Variants in CLSTN2 observed in about 807,000 individuals in gnomAD.
CLSTN2 encodes the protein calsyntenin 2, also known as calsyntenin-2.
CLSTN2 carries 48 observed loss-of-function variants against 101.2 expected under a neutral mutation model. The observed-to-expected ratio is 0.47, with a 90% CI of 0.38 to 0.60. The LOEUF (loss-of-function observed/expected upper bound fraction) is 0.60. Among genes scored for constraint, CLSTN2 ranks in the 20% least tolerant of loss-of-function variants. CLSTN2 has a pLI of 0.00. For synonymous variants in CLSTN2, 481 were observed against 463.6 expected (o/e 1.04, Z -0.48); for missense variants, 1,160 against 1,238.2 (o/e 0.94, Z 0.95).
At chr3:140,411,301 T>C (rs1192528946) in intron 4 of CLSTN2, among the ~76,000 whole-genome samples, 2 of 152,222 alleles carry the variant, frequency 1.3e-5, no homozygotes, top group African/African-American at 2.4e-5. Flanking sequence ...AAATAGGCTT[T>C]AAGTCAAAAA....
chr3:139,997,323 G>A (rs960064181), intron 1 of CLSTN2, among the ~76,000 whole-genome samples: 4 of 125,854 alleles, frequency 3.2e-5, no homozygotes, highest in African/African-American at 1.2e-4. Flanking sequence ...GTAATTTTCT[G>A]CTCATTCTGC....
At chr3:140,093,853 G>A (rs2008822926) in intron 1 of CLSTN2, among the ~76,000 whole-genome samples, 1 of 152,222 alleles carries the variant, frequency 6.6e-6, no homozygotes, top group African/African-American at 2.4e-5. Context: ...TTAAGGATAA[G>A]TCGTTAAAAT....
At chr3:140,045,772 T>A (rs148409369) in intron 1 of CLSTN2, among the ~76,000 whole-genome samples, 1 of 152,230 alleles carries the variant, frequency 6.6e-6, no homozygotes, top group South Asian at 2.1e-4. Context: ...CATTTCGTTA[T>A]GTACCCAGTA....
At chr3:140,257,290 G>A (rs2086612053) in intron 2 of CLSTN2, among the ~76,000 whole-genome samples, 1 of 152,144 alleles carries the variant, frequency 6.6e-6, no homozygotes, top group South Asian at 2.1e-4. Context: ...ATAAGTAAAA[G>A]TATTTAGGTG....
intron 1 of CLSTN2, among the ~76,000 whole-genome samples, chr3:140,060,061 ATCT>A (rs1202328992): frequency 1.3e-5 from 2 of 152,130 alleles, no homozygotes; most frequent in African/African-American, 2.4e-5. Context: ...GATATAATAA[ATCT>A]TCTTCATGTG....
At chr3:140,176,665 A>C (rs1182651865) in intron 2 of CLSTN2, among the ~76,000 whole-genome samples, 1 of 152,208 alleles carries the variant, frequency 6.6e-6, no homozygotes, top group Non-Finnish European at 1.5e-5. Flanking sequence ...TTCGAGGGGT[A>C]GGCCCCAGGA....
chr3:140,458,491 A>C (rs74717109), intron 6 of CLSTN2, among the ~76,000 whole-genome samples: 6,079 of 152,186 alleles, frequency 0.04, 141 homozygotes, highest in Non-Finnish European at 0.053. Context: ...TCTGTATTTG[A>C]GCCTCTGTGG....
At chr3:140,171,519 G>T (rs1018560471) in intron 1 of CLSTN2, among the ~76,000 whole-genome samples, 1 of 148,752 alleles carries the variant, frequency 6.7e-6, no homozygotes, top group South Asian at 2.1e-4. Flanking sequence ...CACTGCTTCA[G>T]AGCTGCTCTC....
At chr3:140,321,918 T>C (rs542224672) in intron 2 of CLSTN2, among the ~76,000 whole-genome samples, 47 of 152,180 alleles carry the variant, frequency 3.1e-4, no homozygotes, top group African/African-American at 1.1e-3. Flanking sequence ...TGCAGCCTTG[T>C]GTAGTACAGG....
intron 1 of CLSTN2, among the ~76,000 whole-genome samples, chr3:140,118,033 A>G (rs1348806145): frequency 6.6e-6 from 1 of 152,116 alleles, no homozygotes; most frequent in Non-Finnish European, 1.5e-5. Context: ...AGCACCTTTG[A>G]AGAAGTAATT....
intron 1 of CLSTN2, among the ~76,000 whole-genome samples, chr3:140,106,419 G>A (rs2009059176): frequency 6.6e-6 from 1 of 152,174 alleles, no homozygotes; most frequent in African/African-American, 2.4e-5. Flanking sequence ...CAGGCCAGAT[G>A]TCCACTGCCT....
intron 1 of CLSTN2, among the ~76,000 whole-genome samples, chr3:140,006,847 A>C (rs2006969006): frequency 6.6e-6 from 1 of 152,060 alleles, no homozygotes; most frequent in East Asian, 1.9e-4. Context: ...AGCTCTAATG[A>C]TTAGGATGAA....
chr3:140,185,351 A>G (rs2010470664), intron 2 of CLSTN2, among the ~76,000 whole-genome samples: 2 of 152,128 alleles, frequency 1.3e-5, no homozygotes, highest in African/African-American at 4.8e-5. Context: ...AAGACCCCCA[A>G]CCACCTTTCT....
chr3:140,491,957 C>T (rs370341310), intron 8 of CLSTN2, among the ~76,000 whole-genome samples: 1 of 152,120 alleles, frequency 6.6e-6, no homozygotes, highest in African/African-American at 2.4e-5. Context: ...TCTGTGGAGC[C>T]TGCAAATACA....
intron 2 of CLSTN2, among the ~76,000 whole-genome samples, chr3:140,369,316 A>G (rs1186575042): frequency 6.6e-6 from 1 of 152,222 alleles, no homozygotes; most frequent in African/African-American, 2.4e-5. Context: ...ATAAGTCAAC[A>G]ATAAGAAAAT....
chr3:140,275,022 T>C (rs1379814403), intron 2 of CLSTN2, among the ~76,000 whole-genome samples: 1 of 152,178 alleles, frequency 6.6e-6, no homozygotes, highest in East Asian at 1.9e-4. Context: ...GTTGAAGAGA[T>C]GGAAGCATCT....
intron 2 of CLSTN2, among the ~76,000 whole-genome samples, chr3:140,299,712 T>C (rs761647509): frequency 7.9e-5 from 12 of 152,194 alleles, no homozygotes; most frequent in Non-Finnish European, 1.6e-4. Context: ...GAAAAGTGAT[T>C]TTCAGAGACA....
intron 1 of CLSTN2, among the ~76,000 whole-genome samples, chr3:139,959,737 C>T (rs1287924664): frequency 6.6e-6 from 1 of 152,096 alleles, no homozygotes; most frequent in African/African-American, 2.4e-5. Flanking sequence ...CCTCAGCCAA[C>T]CCCGCCCCCC....
chr3:140,216,245 C>T (rs1228562308), intron 2 of CLSTN2, among the ~76,000 whole-genome samples: 2 of 152,110 alleles, frequency 1.3e-5, no homozygotes, highest in East Asian at 1.9e-4. Flanking sequence ...AATTATCTTC[C>T]ATGAAACCGG....
Sources: allele counts gnomAD v4.1 joint callset (sites outside exome capture counted in the v4.1 genomes callset), GRCh38; gene constraint gnomAD v4.1.1; transcripts MANE v1.5; gene names NCBI Gene and HGNC (gene_info 2026-07-23, HGNC 2026-07-21).